ST3GAL2: variants seen among roughly 807,000 people sequenced by gnomAD.
ST3GAL2 encodes ST3 beta-galactoside alpha-2,3-sialyltransferase 2, also known as CMP-N-acetylneuraminate-beta-galactosamide-alpha-2,3-sialyltransferase 2.
ST3GAL2 carries 16 observed loss-of-function variants against 37.5 expected under a neutral mutation model. The ratio of observed to expected loss-of-function variants is 0.43; its 90% CI spans 0.29 to 0.65. The LOEUF is 0.65. Among genes scored for constraint, ST3GAL2 ranks in the 30% least tolerant of loss-of-function variants. ST3GAL2 has a pLI of 0.17. For synonymous variants in ST3GAL2, 238 were observed against 202.9 expected, an observed-to-expected ratio of 1.17 and a Z score of -1.47; for missense variants, 383 against 487.8, an observed-to-expected ratio of 0.79 and a Z score of 2.02.
At chr16:70,384,814 C>A (rs1159305987) in intron 4 of ST3GAL2, among the ~76,000 whole-genome samples, 1 of 146,582 alleles carries the variant, frequency 6.8e-6, no homozygotes, top group Admixed American at 6.9e-5. Flanking sequence ...CACCTGAGGT[C>A]AGGGGTTCAA....
intron 1 of ST3GAL2, among the ~76,000 whole-genome samples, chr16:70,418,648 C>T (rs536208892): frequency 1.8e-4 from 27 of 152,284 alleles, no homozygotes; most frequent in African/African-American, 5.8e-4. Context: ...TTGACCTTCA[C>T]AGAACACGGG....
Position 70,376,788 on chromosome 16 carries a change from G to T in ST3GAL2, c.*4901C>A, listed in dbSNP as rs1248708407. 6.6e-6 allele frequency: 1 copy of T among 151,802 alleles called. No individual in the cohort carries two copies. Among genetic ancestry groups the T allele is most frequent in the African/African-American group, 2.4e-5 (1 of 41,294 alleles). The allele number at this position is 151,802 out of a possible 1,614,324, so 9.4% of individuals were successfully genotyped here. A position where few individuals can be genotyped will look rare whatever the true frequency, so the allele number is the denominator to read the frequency against. On this transcript the variant is annotated 3_prime_UTR_variant, in exon 7 of 7. Transcript: ENST00000342907. Reference sequence around the variant, plus strand: ...GACGGAGTCTTACTCTGTCGCTCAGGCTGGAGTGCAGTGGCTCAATCTCGG... The same window carrying T: ...GACGGAGTCTTACTCTGTCGCTCAGTCTGGAGTGCAGTGGCTCAATCTCGG...
At chr16:70,383,553 A>T (rs1257070603) in intron 4 of ST3GAL2, among the ~76,000 whole-genome samples, 1 of 148,678 alleles carries the variant, frequency 6.7e-6, no homozygotes, top group Non-Finnish European at 1.5e-5. Context: ...CTGTCAAAAA[A>T]AAAAAGGAAA....
intron 1 of ST3GAL2, chr16:70,400,076 G>A (rs1483881580): frequency 6.6e-6 from 1 of 152,664 alleles, no homozygotes; most frequent in Non-Finnish European, 1.5e-5. Flanking sequence ...CCGCCGTTGG[G>A]GGAGAACCTG....
intron 2 of ST3GAL2, among the ~76,000 whole-genome samples, chr16:70,396,064 C>T (rs1247316536): frequency 1.3e-5 from 2 of 151,540 alleles, no homozygotes; most frequent in African/African-American, 4.8e-5. Context: ...CTCCGCCTCC[C>T]GGGTTCAAGG....
chr16:70,417,087 A>G (rs2047681561), intron 1 of ST3GAL2, among the ~76,000 whole-genome samples: 1 of 152,162 alleles, frequency 6.6e-6, no homozygotes, highest in South Asian at 2.1e-4. Flanking sequence ...AACTTCTCTC[A>G]TGGTCCTGAT....
intron 1 of ST3GAL2, among the ~76,000 whole-genome samples, chr16:70,413,444 G>A (rs1049528894): frequency 4.7e-5 from 7 of 150,076 alleles, no homozygotes; most frequent in Non-Finnish European, 5.9e-5. Context: ...GGCCGGGCGC[G>A]GTGGCTCGCG....
chr16:70,399,136 A>G lies in ST3GAL2; in HGVS notation c.-606T>C, dbSNP rs897804639. On this transcript the variant is annotated 5_prime_UTR_variant, in exon 2 of 7. Coordinates refer to ENST00000342907, the MANE Select transcript of ST3GAL2 (RefSeq NM_006927.4). The stretch of plus-strand genomic sequence containing the variant: ...CAACCCTGAGAGGACAAAAACAGGA[A>G]GCTCTGTGAGTGTGGGAAAACTCCG... The G allele has an allele frequency of 1.3e-4, 53 of 399,870 alleles. 1 individual carries two copies. In the East Asian group the frequency reaches 1.8e-3, roughly 14 times the overall value. The allele number at this position is 399,870 out of a possible 1,614,324, so 24.8% of individuals were successfully genotyped here. A position where few individuals can be genotyped will look rare whatever the true frequency, so the allele number is the denominator to read the frequency against.
chr16:70,438,081 T>C (rs1240426787), intron 1 of ST3GAL2, among the ~76,000 whole-genome samples: 1 of 152,162 alleles, frequency 6.6e-6, no homozygotes, highest in Non-Finnish European at 1.5e-5. Flanking sequence ...TGGATGCAGT[T>C]GGCAAAAGAT....
At chr16:70,386,109 C>T (rs947889386) in intron 4 of ST3GAL2, among the ~76,000 whole-genome samples, 1 of 152,132 alleles carries the variant, frequency 6.6e-6, no homozygotes, top group Non-Finnish European at 1.5e-5. Flanking sequence ...TAACCTCTGC[C>T]TCCCAGGTTC....
intron 1 of ST3GAL2, among the ~76,000 whole-genome samples, chr16:70,431,663 A>T (rs766114598): frequency 1.2e-4 from 12 of 102,216 alleles, no homozygotes; most frequent in African/African-American, 7.6e-4. Context: ...CCATCTCTTT[A>T]AAAAAAAAAA....
At chr16:70,429,544 G>A (rs1210697181) in intron 1 of ST3GAL2, among the ~76,000 whole-genome samples, 3 of 133,942 alleles carry the variant, frequency 2.2e-5, no homozygotes, top group African/African-American at 3.1e-5. Flanking sequence ...AGCCGAGATC[G>A]CGCCACTGCA....
At chr16:70,430,693 CAG>C (rs1451975460) in intron 1 of ST3GAL2, among the ~76,000 whole-genome samples, 3 of 152,120 alleles carry the variant, frequency 2.0e-5, no homozygotes, top group Non-Finnish European at 2.9e-5. Flanking sequence ...CAGGAAGGAG[CAG>C]AGAGAGGGCC....
At chr16:70,381,918 G>A (rs1026630927) in intron 6 of ST3GAL2, 56 bp from the exon 7 acceptor site, 4 of 1,599,182 alleles carry the variant, frequency 2.5e-6, no homozygotes, top group African/African-American at 1.3e-5. Context: ...GGATGGCGCG[G>A]GGCGGGCTCG....
chr16:70,414,165 T>G (rs1386845220), intron 1 of ST3GAL2, among the ~76,000 whole-genome samples: 1 of 152,254 alleles, frequency 6.6e-6, no homozygotes, highest in Non-Finnish European at 1.5e-5. Context: ...ACCAGGAAAC[T>G]GGGCATCCCT....
At chr16:70,401,407 A>G (rs975101254) in intron 1 of ST3GAL2, among the ~76,000 whole-genome samples, 3 of 152,198 alleles carry the variant, frequency 2.0e-5, no homozygotes, top group African/African-American at 4.8e-5. Flanking sequence ...GAAAGAGCAG[A>G]GAAGTAGAGC....
chr16:70,417,615 G>A (rs1362628114), intron 1 of ST3GAL2, among the ~76,000 whole-genome samples: 6 of 152,234 alleles, frequency 3.9e-5, no homozygotes, highest in Admixed American at 2.0e-4. Context: ...ATTATAATAA[G>A]GAGTTTCTCT....
chr16:70,383,123 C>T (rs2151655967), intron 5 of ST3GAL2, 67 bp downstream of exon 5: 2 of 1,599,614 alleles, frequency 1.3e-6, no homozygotes, highest in South Asian at 1.1e-5. Flanking sequence ...ACCTGAGCTA[C>T]AGGACCAGGC....
At chr16:70,414,669 A>G (rs2047662710) in intron 1 of ST3GAL2, among the ~76,000 whole-genome samples, 1 of 151,880 alleles carries the variant, frequency 6.6e-6, no homozygotes, top group African/African-American at 2.4e-5. Flanking sequence ...TTTCCAGGCC[A>G]AGATTCTGTT....
Sources: allele counts gnomAD v4.1 joint callset (sites outside exome capture counted in the v4.1 genomes callset), GRCh38; gene constraint gnomAD v4.1.1; transcripts MANE v1.5; gene names NCBI Gene and HGNC (gene_info 2026-07-23, HGNC 2026-07-21).